The following GRK7 variants were observed in gnomAD, a reference collection of about 807,000 sequenced individuals.
The protein encoded by GRK7 is G protein-coupled receptor kinase 7.
GRK7 carries 24 observed loss-of-function variants against 34.1 expected under a neutral mutation model. The observed-to-expected ratio is 0.70, with a 90% CI of 0.51 to 0.99. The LOEUF (loss-of-function observed/expected upper bound fraction) is 0.99, where lower values mean the gene tolerates loss of function less well. GRK7 is among the 50% of genes least tolerant of loss of function. The pLI is 0.00. For synonymous variants in GRK7, 256 were observed against 279.4 expected (o/e 0.92, Z 0.84); for missense variants, 644 against 707.3 (o/e 0.91, Z 1.02).
chr3:141,799,227 CA>C (rs1016114002), intron 4 of GRK7, among the ~76,000 whole-genome samples: 22 of 152,212 alleles, frequency 1.4e-4, no homozygotes, highest in African/African-American at 5.3e-4. Flanking sequence ...GGGGACTCTA[CA>C]AGGGAGAAAA....
At chr3:141,789,656 C>CAAAAGAAAAAAAAAAA (rs2084713807) in intron 4 of GRK7, among the ~76,000 whole-genome samples, 1 of 119,232 alleles carries the variant, frequency 8.4e-6, no homozygotes, top group Non-Finnish European at 1.7e-5. Flanking sequence ...GCCAAATGGG[C>CAAAAGAAAAAAAAAAA]AAAAAAAAAA....
intron 5 of GRK7, among the ~76,000 whole-genome samples, chr3:141,808,492 A>G (rs1289651327): frequency 6.6e-6 from 1 of 152,198 alleles, no homozygotes; most frequent in Non-Finnish European, 1.5e-5. Context: ...AGTCAGGTGG[A>G]TCACGAGGTC....
At chr3:141,813,533 A>G (rs1326896586) in intron 5 of GRK7, among the ~76,000 whole-genome samples, 1 of 152,240 alleles carries the variant, frequency 6.6e-6, no homozygotes, top group Admixed American at 6.5e-5. Flanking sequence ...GTTCTGGTAG[A>G]TGGCAAGCCT....
intron 4 of GRK7, among the ~76,000 whole-genome samples, chr3:141,805,437 C>T (rs938963594): frequency 1.9e-4 from 29 of 152,332 alleles, no homozygotes; most frequent in African/African-American, 6.7e-4. Flanking sequence ...TATCCTGGGC[C>T]TCAGAGGCGC....
At chr3:141,796,092 A>C (rs899611811) in intron 4 of GRK7, among the ~76,000 whole-genome samples, 1 of 152,186 alleles carries the variant, frequency 6.6e-6, no homozygotes, top group Admixed American at 6.5e-5. Context: ...TCAAGGAGAA[A>C]GGAGCTTGAG....
intron 4 of GRK7, among the ~76,000 whole-genome samples, chr3:141,783,026 A>G (rs1404629351): frequency 6.6e-6 from 1 of 152,226 alleles, no homozygotes; most frequent in African/African-American, 2.4e-5. Context: ...CTGCATCTTT[A>G]TAATTCTAGC....
At chr3:141,803,265 GAAAA>G (rs3057588) in intron 4 of GRK7, among the ~76,000 whole-genome samples, 1 of 106,858 alleles carries the variant, frequency 9.4e-6, no homozygotes, top group Admixed American at 9.7e-5. Context: ...TGTCTCTACT[GAAAA>G]AAAAAAAAAA....
chr3:141,762,483 C>T (rs1366329029), upstream of GRK7, among the ~76,000 whole-genome samples: 2 of 150,846 alleles, frequency 1.3e-5, no homozygotes, highest in African/African-American at 4.9e-5. Context: ...CTCAGATCTC[C>T]AGCTGCCTGC....
chr3:141,793,278 AG>A (rs2107885633), intron 4 of GRK7, among the ~76,000 whole-genome samples: 1 of 152,176 alleles, frequency 6.6e-6, no homozygotes. Context: ...TGGCATTCAA[AG>A]CCTAGAGGCA....
chr3:141,808,121 A>G (rs1316784479), intron 5 of GRK7, among the ~76,000 whole-genome samples: 1 of 152,220 alleles, frequency 6.6e-6, no homozygotes, highest in Non-Finnish European at 1.5e-5. Context: ...GATGTATTTT[A>G]AGGTGGAAAA....
chr3:141,767,313 G>T (rs1234793068), intron 1 of GRK7, among the ~76,000 whole-genome samples: 1 of 151,996 alleles, frequency 6.6e-6, no homozygotes. Flanking sequence ...TTATCAATTG[G>T]AACAGAGCTG....
At chr3:141,762,405 G>T (rs1441623361), upstream of GRK7, among the ~76,000 whole-genome samples, 2 of 145,466 alleles carry the variant, frequency 1.4e-5, no homozygotes, top group Non-Finnish European at 3.0e-5. Context: ...CTGCTGGGGG[G>T]TGCCTCCCAG....
the GRK7 span, among the ~76,000 whole-genome samples, chr3:141,752,550 T>C: frequency 1.3e-5 from 2 of 152,230 alleles, no homozygotes; most frequent in African/African-American, 2.4e-5. Context: ...AAGTTAGAAT[T>C]CCCTACTAGA....
At chr3:141,776,325 A>C (rs1226039775) in intron 2 of GRK7, among the ~76,000 whole-genome samples, 1 of 152,066 alleles carries the variant, frequency 6.6e-6, no homozygotes, top group African/African-American at 2.4e-5. Context: ...ATATATAAAT[A>C]TGTATATATC....
Position 141,795,977 on chromosome 3 carries a change from A to C in GRK7, c.1051-11668A>C, listed in dbSNP as rs969733267. The stretch of plus-strand genomic sequence containing the variant: ...GCTGTCATGTGACATGATACAGTTC[A>C]GGGACCTAATGGTTGCCGTGTCATC... On this transcript the variant is annotated intron_variant, in intron 4 of 5. Coordinates refer to ENST00000682958, the MANE Select transcript of GRK7 (RefSeq NM_139209.3). Among the ~76,000 whole-genome samples the C allele has an allele frequency of 2.6e-5, 4 of 152,306 alleles. No individual in the cohort carries two copies. In the South Asian group the frequency reaches 8.3e-4, roughly 32 times the overall value.
At chr3:141,807,114 C>G (rs1388606145) in intron 4 of GRK7, among the ~76,000 whole-genome samples, 4 of 152,058 alleles carry the variant, frequency 2.6e-5, no homozygotes, top group Non-Finnish European at 5.9e-5. Flanking sequence ...AGTGCAGAGA[C>G]AGGCAGAGGT....
chr3:141,794,578 G>C (rs1285139823), intron 4 of GRK7, among the ~76,000 whole-genome samples: 3 of 152,208 alleles, frequency 2.0e-5, no homozygotes, highest in Non-Finnish European at 4.4e-5. Context: ...CTGATCACTG[G>C]AAAAGCTGTG....
At chr3:141,779,407 C>G (rs373887351) in intron 3 of GRK7, among the ~76,000 whole-genome samples, 2 of 15,236 alleles carry the variant, frequency 1.3e-4, no homozygotes, top group Non-Finnish European at 2.3e-4. Context: ...CAGAGCAAGA[C>G]TCAAAAAAAA....
chr3:141,799,714 GCTAT>G (rs1710931647), intron 4 of GRK7, among the ~76,000 whole-genome samples: 1 of 152,044 alleles, frequency 6.6e-6, no homozygotes, highest in African/African-American at 2.4e-5. Flanking sequence ...CAAAATGGAC[GCTAT>G]CTCATAGGGT....
Sources: gnomAD v4.1 joint callset for allele counts (sites outside exome capture counted in the v4.1 genomes callset) on GRCh38, gnomAD v4.1.1 for gene constraint, MANE v1.5 for transcripts, NCBI Gene and HGNC (gene_info 2026-07-23, HGNC 2026-07-21) for gene names.